The following MYO9A variants were observed in gnomAD, a reference collection of about 807,000 sequenced individuals.
The protein encoded by MYO9A is unconventional myosin-IXa.
A neutral mutation model predicts 293.3 loss-of-function variants in MYO9A; 103 were observed. The ratio of observed to expected loss-of-function variants is 0.35; its 90% CI spans 0.30 to 0.41. The LOEUF is 0.41. MYO9A is among the 10% of genes least tolerant of loss of function. The pLI, the probability that MYO9A is intolerant of heterozygous loss-of-function variation, is 1.00. For missense variants in MYO9A, 2,685 were observed against 3,033.0 expected (o/e 0.89, Z 2.69); for synonymous variants, 1,001 against 1,035.7 (o/e 0.97, Z 0.64).
chr15:71,846,311 G>T (rs1030628213), intron 39 of MYO9A, among the ~76,000 whole-genome samples: 5 of 152,142 alleles, frequency 3.3e-5, no homozygotes, highest in Non-Finnish European at 7.3e-5. Flanking sequence ...ATATCATACA[G>T]AATTCTGCCT....
intron 1 of MYO9A, among the ~76,000 whole-genome samples, chr15:72,092,977 G>A (rs776026168): frequency 2.0e-5 from 3 of 150,962 alleles, no homozygotes; most frequent in Non-Finnish European, 4.4e-5. Flanking sequence ...TCACCTAGAT[G>A]AAGTAAAAAA....
intron 8 of MYO9A, among the ~76,000 whole-genome samples, chr15:72,005,426 A>G (rs1018274477): frequency 3.3e-5 from 5 of 152,038 alleles, no homozygotes; most frequent in African/African-American, 1.2e-4. Context: ...AACTGCCTAG[A>G]CTTATAAGTA....
intron 16 of MYO9A, among the ~76,000 whole-genome samples, chr15:71,935,978 A>G (rs559895840): frequency 5.3e-5 from 8 of 152,058 alleles, no homozygotes; most frequent in Non-Finnish European, 1.0e-4. Flanking sequence ...GACTCTAAAC[A>G]TTGCAGATAT....
At chr15:72,071,171 C>A (rs1369361765) in intron 1 of MYO9A, among the ~76,000 whole-genome samples, 4 of 151,986 alleles carry the variant, frequency 2.6e-5, no homozygotes, top group Middle Eastern at 3.2e-3. Context: ...AGACTAGCAC[C>A]TGGAATCTAT....
chr15:71,936,661 C>G (rs937080364), intron 16 of MYO9A, among the ~76,000 whole-genome samples: 9 of 152,026 alleles, frequency 5.9e-5, no homozygotes, highest in Non-Finnish European at 1.3e-4. Context: ...GAGATAGCTA[C>G]TTACAACAAT....
rs2077436686 is a variant in MYO9A, at chr15:72,019,450, T to C, written c.1099-355A>G. On this transcript the variant is annotated intron_variant, in intron 5 of 41. Coordinates refer to ENST00000356056, the MANE Select transcript of MYO9A (RefSeq NM_006901.4). ...ATACTAACAACTATCAGCTCATTTA[T>C]GAGAGAATATTACTTTATAAAAAAG... 7.2e-5 allele frequency among the ~76,000 whole-genome samples: 11 copies of C among 152,330 alleles called. No homozygotes were observed. The South Asian group carries it at 1.9e-3, about 26-fold the overall frequency.
intron 39 of MYO9A, among the ~76,000 whole-genome samples, chr15:71,839,056 A>G (rs1387705070): frequency 6.6e-6 from 1 of 152,212 alleles, no homozygotes; most frequent in Non-Finnish European, 1.5e-5. Flanking sequence ...TGTTTTATGA[A>G]GATAAATGTT....
At chr15:71,895,975 G>T (rs1277437410) in intron 25 of MYO9A, among the ~76,000 whole-genome samples, 3 of 152,082 alleles carry the variant, frequency 2.0e-5, no homozygotes, top group Admixed American at 6.6e-5. Context: ...TTACAGATAT[G>T]CATGGAATAC....
chr15:71,994,030 AAT>A (rs770749693), intron 10 of MYO9A, among the ~76,000 whole-genome samples: 1 of 152,148 alleles, frequency 6.6e-6, no homozygotes, highest in Non-Finnish European at 1.5e-5. Flanking sequence ...TAAGTAAAAG[AAT>A]ATTTGTTACA....
chr15:72,086,624 G>A (rs558184265), intron 1 of MYO9A, among the ~76,000 whole-genome samples: 157 of 151,812 alleles, frequency 1.0e-3, no homozygotes, highest in Admixed American at 2.3e-3. Context: ...CACACACACC[G>A]GCAAAGTGAT....
intron 30 of MYO9A, among the ~76,000 whole-genome samples, chr15:71,879,046 C>T (rs186159859): frequency 2.6e-5 from 4 of 152,158 alleles, no homozygotes; most frequent in East Asian, 3.9e-4. Context: ...TGAGCCACTG[C>T]GCCCAGCCAA....
intron 1 of MYO9A, among the ~76,000 whole-genome samples, chr15:72,062,384 G>A (rs993772725): frequency 1.3e-5 from 2 of 152,156 alleles, no homozygotes; most frequent in Admixed American, 6.6e-5. Flanking sequence ...AGCAAACCTA[G>A]ACAGAGATAT....
At position 71,850,141 on chromosome 15, in the gene MYO9A, C is replaced by T; in HGVS notation, c.6608G>A (p.Arg2203Gln). Residue 2203 changes from arginine (R) to glutamine (Q), a missense_variant, in exon 38 of 42, where the codon CGA (arginine) becomes CAA (glutamine). Physicochemically the swap from Arg to Gln is conservative, Grantham distance 43. This residue lies in a region of MYO9A where 238 missense variants were observed against 269.1 expected (regional missense o/e 0.88). Transcript: ENST00000356056. ...AATGGCCAAAGCATTAGCAGACATT[C>T]GATTAGTGTCTTCCTGCAGAGCAAT... ...VRIALQEDTNRMSANALAIVF... is the reference protein window; with the variant it reads ...VRIALQEDTNQMSANALAIVF... 2.5e-6 allele frequency: 4 copies of T among 1,613,904 alleles called. No homozygotes were observed. The highest frequency in any genetic ancestry group is 3.4e-6 in the Non-Finnish European group (4 of 1,179,914).
chr15:72,103,958 T>C (rs2080481797), intron 1 of MYO9A, among the ~76,000 whole-genome samples: 1 of 152,220 alleles, frequency 6.6e-6, no homozygotes, highest in African/African-American at 2.4e-5. Flanking sequence ...CTTTATTATT[T>C]CCCTTAAACT....
At chr15:71,899,163 T>A in intron 24 of MYO9A, 131 bp from the exon 25 acceptor site, 1 of 802,636 alleles carries the variant, frequency 1.2e-6, no homozygotes. Context: ...CTTCTTAAAC[T>A]AACTTGAATG....
At chr15:72,086,376 T>C (rs1481845671) in intron 1 of MYO9A, among the ~76,000 whole-genome samples, 2 of 151,582 alleles carry the variant, frequency 1.3e-5, no homozygotes, top group South Asian at 2.1e-4. Flanking sequence ...GGAGGGTTCA[T>C]TGTTCTCTGT....
At chr15:71,896,457 A>G (rs2057330259) in intron 25 of MYO9A, among the ~76,000 whole-genome samples, 1 of 152,098 alleles carries the variant, frequency 6.6e-6, no homozygotes, top group African/African-American at 2.4e-5. Flanking sequence ...TTTTCTCATG[A>G]CTACCTCTAG....
chr15:71,964,288 T>C (rs1295981543), intron 13 of MYO9A, among the ~76,000 whole-genome samples: 3 of 152,198 alleles, frequency 2.0e-5, no homozygotes, highest in African/African-American at 7.2e-5. Context: ...CTTATTTTTA[T>C]ACCCTTTCTC....
intron 28 of MYO9A, 137 bp downstream of exon 28, chr15:71,883,457 A>T: frequency 3.4e-6 from 3 of 877,182 alleles, no homozygotes; most frequent in Non-Finnish European, 4.9e-6. Context: ...TTAAGGAAGG[A>T]TTTAACAATG....
Sources: gnomAD v4.1 joint callset for allele counts (sites outside exome capture counted in the v4.1 genomes callset) on GRCh38, gnomAD v4.1.1 for gene constraint, gnomAD v4.1.1 regional missense constraint, MANE v1.5 for transcripts, NCBI Gene and HGNC (gene_info 2026-07-23, HGNC 2026-07-21) for gene names.